Variants in PHYKPL observed in about 807,000 individuals in gnomAD.
The protein encoded by PHYKPL is 5-phosphonooxy-L-lysine phospho-lyase.
Under a neutral mutation model 51.3 loss-of-function variants are expected in PHYKPL, and 42 were observed. That is an observed-to-expected ratio of 0.82 (90% CI 0.64 to 1.06). The LOEUF is 1.06. Among genes scored for constraint, PHYKPL ranks in the 50% least tolerant of loss-of-function variants. The probability of loss-of-function intolerance (pLI) is 0.00; values close to 1 mark genes in which losing one functional copy is unlikely to be tolerated. For missense variants in PHYKPL, 655 were observed against 586.6 expected (o/e 1.12, Z -1.20); for synonymous variants, 264 against 236.0 (o/e 1.12, Z -1.09).
At chr5:178,232,454 G>A in intron 1 of PHYKPL, 38 bp downstream of exon 1, 8 of 1,377,548 alleles carry the variant, frequency 5.8e-6, no homozygotes, top group Non-Finnish European at 7.5e-6. Flanking sequence ...TCTCCGCGCA[G>A]CCCCGCGCCC....
chr5:178,211,817 G>A, intron 12 of PHYKPL, 73 bp downstream of exon 12: 1 of 1,084,218 alleles, frequency 9.2e-7, no homozygotes, highest in East Asian at 2.4e-5. Context: ...GGCTCAGCTT[G>A]CCGAGGCTGC....
chr5:178,230,359 C>T, intron 2 of PHYKPL: 2 of 318,756 alleles, frequency 6.3e-6, no homozygotes, highest in African/African-American at 2.3e-5. Flanking sequence ...TTAAGGAGGA[C>T]TTTTTTTTTT....
chr5:178,214,341 C>G (rs1759294846), intron 10 of PHYKPL, among the ~76,000 whole-genome samples: 1 of 152,134 alleles, frequency 6.6e-6, no homozygotes, highest in African/African-American at 2.4e-5. Flanking sequence ...CCCGACCCAG[C>G]TTAGGAGCAG....
chr5:178,223,726 TCCTTCAGTGAAG>T, intron 6 of PHYKPL: 2 of 340,034 alleles, frequency 5.9e-6, no homozygotes, highest in Non-Finnish European at 5.8e-6. Context: ...GCTCTGTCAC[TCCTTCAGTGAAG>T]CCTTCAGAGA....
intron 3 of PHYKPL, chr5:178,225,820 T>C (rs1421764618): frequency 4.7e-6 from 1 of 211,610 alleles, no homozygotes; most frequent in South Asian, 7.6e-5. Flanking sequence ...CGGACACCAG[T>C]TGGGTGTCCT....
At chr5:178,212,112 G>C (rs1758636645) in intron 11 of PHYKPL, 142 bp from the exon 12 acceptor site, 1 of 807,234 alleles carries the variant, frequency 1.2e-6, no homozygotes, top group South Asian at 1.7e-5. Flanking sequence ...CCCCAAAGGG[G>C]TGGCAGCAGT....
intron 8 of PHYKPL, among the ~76,000 whole-genome samples, chr5:178,219,037 C>T (rs1006148222): frequency 6.6e-6 from 1 of 152,022 alleles, no homozygotes; most frequent in South Asian, 2.1e-4. Flanking sequence ...TGATTCACAT[C>T]GTGTACAAAA....
intron 2 of PHYKPL, 31 bp downstream of exon 2, chr5:178,231,374 C>T (rs1048346238): frequency 4.3e-6 from 7 of 1,613,990 alleles, no homozygotes; most frequent in East Asian, 2.2e-5. Context: ...CCTTCCTCTC[C>T]TGCCCTGCCA....
intron 4 of PHYKPL, 86 bp from the exon 5 acceptor site, chr5:178,224,815 G>T: frequency 9.1e-7 from 1 of 1,099,032 alleles, no homozygotes; most frequent in Non-Finnish European, 1.3e-6. Flanking sequence ...CACCCCTGAA[G>T]ACACACAAGG....
chr5:178,231,341 T>C, intron 2 of PHYKPL, 64 bp downstream of exon 2: 2 of 1,611,984 alleles, frequency 1.2e-6, no homozygotes, highest in East Asian at 2.2e-5. Context: ...TCAGGTCACC[T>C]TGGGACCAGG....
intron 4 of PHYKPL, 63 bp downstream of exon 4, chr5:178,225,292 C>T (rs374798158): frequency 8.2e-5 from 131 of 1,588,362 alleles, no homozygotes; most frequent in African/African-American, 3.9e-4. Context: ...GTCAGTCTCA[C>T]GGATCACCAA....
chr5:178,230,214 G>GT, intron 2 of PHYKPL, 115 bp from the exon 3 acceptor site: 1 of 1,323,612 alleles, frequency 7.6e-7, no homozygotes, highest in Non-Finnish European at 1.1e-6. Context: ...AGAGGGAGAG[G>GT]TAGAAAGAGG....
intron 1 of PHYKPL, chr5:178,231,865 G>A (rs1447375068): frequency 1.6e-5 from 21 of 1,332,398 alleles, no homozygotes; most frequent in Middle Eastern, 2.3e-4. Flanking sequence ...AAGGCCGCGT[G>A]TCTTCGATGG....
At chr5:178,221,885 C>T (rs1018811798) in intron 8 of PHYKPL, among the ~76,000 whole-genome samples, 1 of 152,232 alleles carries the variant, frequency 6.6e-6, no homozygotes, top group African/African-American at 2.4e-5. Context: ...TACCCTGCAA[C>T]TGCTGCCTCA....
chr5:178,210,966 G>A, intron 12 of PHYKPL: 1 of 281,816 alleles, frequency 3.5e-6, no homozygotes, highest in Admixed American at 4.9e-5. Context: ...GGAAACCAGT[G>A]TCACCTTTTT....
chr5:178,218,682 TGTTATA>T (rs778986727), intron 8 of PHYKPL, among the ~76,000 whole-genome samples: 12 of 152,230 alleles, frequency 7.9e-5, no homozygotes, highest in South Asian at 2.1e-4. Context: ...TATGGTATTT[TGTTATA>T]GTTATAGCAT....
At chr5:178,213,756 G>A (rs913992413) in intron 10 of PHYKPL, among the ~76,000 whole-genome samples, 2 of 152,268 alleles carry the variant, frequency 1.3e-5, no homozygotes, top group South Asian at 4.2e-4. Context: ...GGGGTGGGGA[G>A]TGTGCCTTCT....
In PHYKPL at chr5:178,224,673, T is replaced by C. The variant is rs778248226; in HGVS notation, c.470A>G (p.Asn157Ser). 9 of 1,614,204 alleles carry C rather than the reference T, an allele frequency of 5.6e-6. No individual in the cohort carries two copies. Among genetic ancestry groups the C allele is most frequent in the Non-Finnish European group, 7.6e-6 (9 of 1,180,030 alleles). The stretch of plus-strand genomic sequence containing the variant: ...GACCCACTCCTTCTGGCCATCCAGG[T>C]TGCGGAACTTGTAGGGACTGATGTC... Reference protein sequence around the residue: ...LIDISPYKFRNLDGQKEWVHV... With the variant: ...LIDISPYKFRSLDGQKEWVHV... Residue 157 changes from asparagine (N) to serine (S), a missense_variant, in exon 5 of 13, where the codon AAC becomes AGC. Physicochemically the swap from Asn to Ser is conservative, Grantham distance 46 (BLOSUM62 1). Coordinates refer to ENST00000308158, the MANE Select transcript of PHYKPL (RefSeq NM_153373.4).
At chr5:178,210,266 G>C in intron 12 of PHYKPL, 2 of 1,614,094 alleles carry the variant, frequency 1.2e-6, no homozygotes, top group Non-Finnish European at 1.7e-6. Context: ...CCCCGGCTAC[G>C]ACTACAGTAA....
Sources: allele counts gnomAD v4.1 joint callset (sites outside exome capture counted in the v4.1 genomes callset), GRCh38; gene constraint gnomAD v4.1.1; transcripts MANE v1.5; gene names NCBI Gene and HGNC (gene_info 2026-07-23, HGNC 2026-07-21).